The following TGFA variants were observed in gnomAD, a reference collection of about 807,000 sequenced individuals.
The protein encoded by TGFA is transforming growth factor alpha.
In TGFA, 12 loss-of-function variants were observed where a neutral mutation model predicts 21.7. That is an observed-to-expected ratio of 0.55 (90% CI 0.35 to 0.90). The LOEUF (loss-of-function observed/expected upper bound fraction) is 0.90, where lower values mean the gene tolerates loss of function less well. TGFA is among the 40% of genes least tolerant of loss of function. TGFA has a pLI of 0.01. For missense variants in TGFA, 178 were observed against 210.8 expected (o/e 0.84, Z 0.96); for synonymous variants, 79 against 88.1 (o/e 0.90, Z 0.58).
chr2:70,515,035 A>G, intron 1 of TGFA, 123 bp from the exon 2 acceptor site: 1 of 795,816 alleles, frequency 1.3e-6, no homozygotes, highest in East Asian at 2.7e-5. Context: ...TGGCCGGTAG[A>G]CAGGCTCAGC....
rs1053819869 is a variant in TGFA at position 70,482,117 on chromosome 2, T to C, written c.95-16381A>G. ...CACCTCAGGGAAAATTCTGATTTTT[T>C]TTTTTTTTAGTGCCTTTCTTAAAAT... On this transcript the variant is annotated intron_variant, in intron 2 of 5. Coordinates refer to ENST00000295400, the MANE Select transcript of TGFA (RefSeq NM_003236.4). 5.9e-5 allele frequency among the ~76,000 whole-genome samples: 9 copies of C among 152,352 alleles called. No homozygotes were observed. The East Asian group carries it at 7.7e-4, about 13-fold the overall frequency.
intron 2 of TGFA, among the ~76,000 whole-genome samples, chr2:70,477,165 T>C (rs1670962051): frequency 6.6e-6 from 1 of 152,248 alleles, no homozygotes; most frequent in African/African-American, 2.4e-5. Context: ...TTGAGGAATC[T>C]AGATTTAATC....
intron 2 of TGFA, among the ~76,000 whole-genome samples, chr2:70,497,719 A>G (rs914282604): frequency 2.6e-5 from 4 of 152,340 alleles, no homozygotes; most frequent in Admixed American, 2.0e-4. Context: ...GCTGCTTGAC[A>G]TAAAACTTCC....
intron 2 of TGFA, among the ~76,000 whole-genome samples, chr2:70,492,815 A>G (rs1163831280): frequency 1.3e-5 from 2 of 152,134 alleles, no homozygotes; most frequent in African/African-American, 4.8e-5. Context: ...TTAATCACCA[A>G]TTGTGCTTCA....
intron 1 of TGFA, among the ~76,000 whole-genome samples, chr2:70,540,890 A>G (rs1673114218): frequency 6.6e-6 from 1 of 152,204 alleles, no homozygotes; most frequent in South Asian, 2.1e-4. Context: ...ATACTCAACC[A>G]TGAAGCAGCA....
At chr2:70,504,469 C>CATATATATAT (rs1230209696) in intron 2 of TGFA, among the ~76,000 whole-genome samples, 3 of 80,648 alleles carry the variant, frequency 3.7e-5, no homozygotes, top group East Asian at 7.7e-4. Context: ...TATATACACA[C>CATATATATAT]ATACATACAT....
At position 70,447,817 on chromosome 2, in the gene TGFA, A is replaced by C. The variant is rs544917702; in HGVS notation, c.*3042T>G. 6 of 152,282 alleles carry C rather than the reference A, an allele frequency of 3.9e-5. No homozygotes were observed. In the East Asian group the frequency reaches 7.7e-4, roughly 20 times the overall value. 9.4% of individuals were successfully genotyped at this position (152,282 alleles called of 1,614,324 possible). ...CTCCTTCTGTGACTGGGCAGGTTGG[A>C]AGAGATCAAAGCCCAGAACCAACTA... On this transcript the variant is annotated 3_prime_UTR_variant, in exon 6 of 6. Coordinates refer to ENST00000295400, the MANE Select transcript of TGFA (RefSeq NM_003236.4).
At chr2:70,513,609 AAC>A (rs1220559608) in intron 2 of TGFA, among the ~76,000 whole-genome samples, 6 of 152,204 alleles carry the variant, frequency 3.9e-5, no homozygotes, top group African/African-American at 1.4e-4. Context: ...CATCAAGGAT[AAC>A]AGTAGCAAGG....
intron 1 of TGFA, among the ~76,000 whole-genome samples, chr2:70,539,546 C>T (rs917086887): frequency 3.3e-5 from 5 of 152,172 alleles, no homozygotes; most frequent in African/African-American, 1.2e-4. Flanking sequence ...CCTCCGCCTC[C>T]TAGGTTCAAG....
chr2:70,485,239 TC>T (rs540006813), intron 2 of TGFA, among the ~76,000 whole-genome samples: 11 of 151,464 alleles, frequency 7.3e-5, no homozygotes, highest in East Asian at 1.9e-4. Context: ...TTCACAGTCA[TC>T]CCCCCCCTTT....
At chr2:70,519,394 G>T (rs574270858) in intron 1 of TGFA, among the ~76,000 whole-genome samples, 176 of 152,306 alleles carry the variant, frequency 1.2e-3, no homozygotes, top group Non-Finnish European at 2.2e-3. Flanking sequence ...AATTTTATTT[G>T]CAAGCATGGC....
chr2:70,509,851 C>A (rs187860375), intron 2 of TGFA, among the ~76,000 whole-genome samples: 9 of 152,252 alleles, frequency 5.9e-5, no homozygotes, highest in Non-Finnish European at 8.8e-5. Flanking sequence ...AAGTAGCCAC[C>A]CAACAACTTC....
chr2:70,482,460 T>C (rs1196490700), intron 2 of TGFA, among the ~76,000 whole-genome samples: 1 of 152,168 alleles, frequency 6.6e-6, no homozygotes, highest in Non-Finnish European at 1.5e-5. Flanking sequence ...CCACCTCCCA[T>C]GACCTGATTT....
chr2:70,521,609 G>GTTT (rs797022948), intron 1 of TGFA, among the ~76,000 whole-genome samples: 33 of 78,882 alleles, frequency 4.2e-4, no homozygotes, highest in Admixed American at 7.1e-4. Flanking sequence ...TTTTGTTGTT[G>GTTT]TTTGTTTGTT....
At chr2:70,515,969 G>A (rs1436010757) in intron 1 of TGFA, among the ~76,000 whole-genome samples, 4 of 152,214 alleles carry the variant, frequency 2.6e-5, no homozygotes, top group African/African-American at 9.7e-5. Context: ...GGGCCCTTGT[G>A]AGCATGGGGT....
At chr2:70,506,578 T>C (rs1671933584) in intron 2 of TGFA, among the ~76,000 whole-genome samples, 3 of 152,182 alleles carry the variant, frequency 2.0e-5, no homozygotes, top group Non-Finnish European at 4.4e-5. Context: ...CTTCACACTG[T>C]ATGCATCACC....
chr2:70,507,218 T>G (rs1370412890), intron 2 of TGFA, among the ~76,000 whole-genome samples: 12 of 152,358 alleles, frequency 7.9e-5, no homozygotes, highest in African/African-American at 2.6e-4. Flanking sequence ...CGAGGCAGCC[T>G]GCACTCAGTG....
chr2:70,532,741 A>T (rs891209746), intron 1 of TGFA, among the ~76,000 whole-genome samples: 2 of 152,210 alleles, frequency 1.3e-5, no homozygotes, highest in African/African-American at 4.8e-5. Context: ...GCTAGAGCAG[A>T]ACCCTCTCCC....
In TGFA at chr2:70,450,694, G is replaced by A. The variant is rs1484511951; in HGVS notation, c.*165C>T. 2 of 706,158 alleles carry A rather than the reference G, an allele frequency of 2.8e-6. No homozygotes were observed. Among genetic ancestry groups the A allele is most frequent in the South Asian group, 1.8e-5 (1 of 54,730 alleles). The allele number at this position is 706,158 out of a possible 1,614,324, so 43.7% of individuals were successfully genotyped here. On this transcript the variant is annotated 3_prime_UTR_variant, in exon 6 of 6. Transcript: ENST00000295400. ...CACTGAATAACCCCAAGCAGACGGA[G>A]TTCTTGACAGAGTTTTGAAGGCCCA...
Sources: allele counts gnomAD v4.1 joint callset (sites outside exome capture counted in the v4.1 genomes callset), GRCh38; gene constraint gnomAD v4.1.1; transcripts MANE v1.5; gene names NCBI Gene and HGNC (gene_info 2026-07-23, HGNC 2026-07-21).